PIK3C2G: variants seen among roughly 807,000 people sequenced by gnomAD.
PIK3C2G encodes phosphatidylinositol 3-kinase C2 domain-containing subunit gamma.
PIK3C2G carries 168 observed loss-of-function variants against 181.1 expected under a neutral mutation model. The observed-to-expected ratio is 0.93, with a 90% CI of 0.82 to 1.05. PIK3C2G has a LOEUF of 1.05. Among genes scored for constraint, PIK3C2G ranks in the 50% least tolerant of loss-of-function variants. The probability of loss-of-function intolerance (pLI) is 0.00; values close to 1 mark genes in which losing one functional copy is unlikely to be tolerated. For missense variants in PIK3C2G, 1,869 were observed against 1,732.8 expected (o/e 1.08, Z -1.40); for synonymous variants, 573 against 592.2 (o/e 0.97, Z 0.47).
At chr12:18,596,093 G>T (rs1315565062) in intron 30 of PIK3C2G, among the ~76,000 whole-genome samples, 1 of 152,012 alleles carries the variant, frequency 6.6e-6, no homozygotes, top group Non-Finnish European at 1.5e-5. Context: ...CTGAATAAAT[G>T]ATTGATGACA....
chr12:18,574,415 T>A (rs1565523067), intron 29 of PIK3C2G, among the ~76,000 whole-genome samples: 1 of 152,186 alleles, frequency 6.6e-6, no homozygotes, highest in Non-Finnish European at 1.5e-5. Context: ...TCTGTAACAT[T>A]CAGTTTGCTA....
Position 18,423,961 on chromosome 12 carries a change from G to T in PIK3C2G, c.2426G>T (p.Trp809Leu). ...TTACTTCAGGCTGTCAAGTTTGAATGGAACCTTGAGAGTCCTTTAGTGCAA... is the reference window on the plus strand; with the variant it reads ...TTACTTCAGGCTGTCAAGTTTGAATTGAACCTTGAGAGTCCTTTAGTGCAA... ...PQLVQAVKFEWNLESPLVQLL... is the reference protein window; with the variant it reads ...PQLVQAVKFELNLESPLVQLL... Residue 809 changes from tryptophan to leucine, a missense_variant, in exon 18 of 33, where the codon TGG (tryptophan) becomes TTG (leucine). Coordinates refer to ENST00000538779, the MANE Select transcript of PIK3C2G (RefSeq NM_001288772.2). 1 of 1,608,570 alleles carries T rather than the reference G, an allele frequency of 6.2e-7. No individual in the cohort carries two copies.
the PIK3C2G span, chr12:18,723,592 T>C: frequency 2.3e-6 from 3 of 1,325,420 alleles, no homozygotes; most frequent in Non-Finnish European, 2.2e-6. Context: ...AAAAAATACA[T>C]AAAATGAATA....
chr12:18,586,897 G>A (rs1285547603), intron 29 of PIK3C2G, among the ~76,000 whole-genome samples: 1 of 151,852 alleles, frequency 6.6e-6, no homozygotes, highest in Non-Finnish European at 1.5e-5. Context: ...GAAAGGTTGG[G>A]TCAACATATG....
chr12:18,685,630 T>C, the PIK3C2G span: 2 of 516,840 alleles, frequency 3.9e-6, no homozygotes, highest in Admixed American at 1.9e-5. Flanking sequence ...AATTGGCTCA[T>C]GCTGGAATAA....
At chr12:18,512,029 G>A (rs1942245041) in intron 24 of PIK3C2G, among the ~76,000 whole-genome samples, 1 of 151,908 alleles carries the variant, frequency 6.6e-6, no homozygotes, top group Non-Finnish European at 1.5e-5. Flanking sequence ...TATTCTTCAT[G>A]TGAATATCCA....
chr12:18,423,702 T>C lies in PIK3C2G; in HGVS notation c.2410-243T>C, dbSNP rs539499473. ...ACATGGTTGAACTCCACCAACCACC[T>C]GCCCTTATTTCTTATCCATATACAA... On this transcript the variant is annotated intron_variant, in intron 17 of 32. Transcript: ENST00000538779. 2.0e-5 allele frequency among the ~76,000 whole-genome samples: 3 copies of C among 152,276 alleles called. No individual in the cohort carries two copies. In the South Asian group the frequency reaches 6.2e-4, roughly 32 times the overall value.
At chr12:18,379,448 G>T (rs1256685202) in intron 13 of PIK3C2G, among the ~76,000 whole-genome samples, 2 of 152,028 alleles carry the variant, frequency 1.3e-5, no homozygotes, top group African/African-American at 2.4e-5. Context: ...CACCAACATG[G>T]CACATGTATA....
intron 29 of PIK3C2G, among the ~76,000 whole-genome samples, chr12:18,569,006 T>A (rs2136363703): frequency 6.6e-6 from 1 of 152,230 alleles, no homozygotes; most frequent in Middle Eastern, 3.4e-3. Context: ...AAAACATGTC[T>A]GAAAATGCTT....
At position 18,566,685 on chromosome 12, in the gene PIK3C2G, A is replaced by G. The variant is rs1160068288; in HGVS notation, c.3903-264A>G. ...TAAAAGACAAAATGTGTGGTCTGCCATAAATATAGTAAGAAGGGACATATA... is the reference window on the plus strand; with the variant it reads ...TAAAAGACAAAATGTGTGGTCTGCCGTAAATATAGTAAGAAGGGACATATA... On this transcript the variant is annotated intron_variant, in intron 28 of 32. Coordinates refer to ENST00000538779, the MANE Select transcript of PIK3C2G (RefSeq NM_001288772.2). Among the ~76,000 whole-genome samples, 4 of 152,312 alleles carry G rather than the reference A, an allele frequency of 2.6e-5. No individual in the cohort carries two copies. In the East Asian group the frequency reaches 7.7e-4, roughly 29 times the overall value.
chr12:18,284,113 A>G (rs979873403), intron 2 of PIK3C2G, among the ~76,000 whole-genome samples: 3 of 152,092 alleles, frequency 2.0e-5, no homozygotes, highest in Non-Finnish European at 2.9e-5. Flanking sequence ...CGGCTTGGCC[A>G]AGTATTGGGA....
At chr12:18,693,712 G>C in the PIK3C2G span, 86,850 of 1,554,208 alleles carry the variant, frequency 0.056, 2,877 homozygotes, top group Middle Eastern at 0.1. Context: ...CGTTGGAACT[G>C]CTGAACCAGT....
chr12:18,455,954 C>T (rs921154), intron 18 of PIK3C2G, among the ~76,000 whole-genome samples: 20,804 of 152,046 alleles, frequency 0.14, 1,538 homozygotes, highest in African/African-American at 0.19. Context: ...CAATGACATT[C>T]GCCTTATGCC....
chr12:18,435,548 G>C (rs968760189), intron 18 of PIK3C2G, among the ~76,000 whole-genome samples: 2 of 152,020 alleles, frequency 1.3e-5, no homozygotes, highest in Non-Finnish European at 2.9e-5. Flanking sequence ...TAGAATTAGG[G>C]TATGAGATCC....
At chr12:18,371,434 T>A (rs963085428) in intron 13 of PIK3C2G, 123 bp downstream of exon 13, 15 of 778,972 alleles carry the variant, frequency 1.9e-5, no homozygotes, top group Non-Finnish European at 2.7e-5. Flanking sequence ...TTGACATAGT[T>A]CAATATAAAT....
the PIK3C2G span, among the ~76,000 whole-genome samples, chr12:18,719,923 G>A: frequency 1.3e-5 from 2 of 151,814 alleles, no homozygotes; most frequent in Non-Finnish European, 2.9e-5. Context: ...AATGAACTTC[G>A]ACAAGCTACA....
chr12:18,650,738 A>ATATATC (rs1565602862), downstream of PIK3C2G, among the ~76,000 whole-genome samples: 11 of 30,828 alleles, frequency 3.6e-4, no homozygotes, highest in Non-Finnish European at 1.1e-4. Context: ...ATATATATAT[A>ATATATC]TATATATATA....
At chr12:18,324,935 A>G in intron 7 of PIK3C2G, 100 bp from the exon 8 acceptor site, 1 of 631,012 alleles carries the variant, frequency 1.6e-6, no homozygotes, top group East Asian at 2.8e-5. Context: ...TGCCTACGAT[A>G]GTATCATGGG....
At chr12:18,543,991 C>T (rs773220963) in intron 25 of PIK3C2G, among the ~76,000 whole-genome samples, 2 of 151,820 alleles carry the variant, frequency 1.3e-5, no homozygotes, top group African/African-American at 2.4e-5. Context: ...GGAAGCAATA[C>T]GTACTATGAA....
Sources: gnomAD v4.1 joint callset for allele counts (sites outside exome capture counted in the v4.1 genomes callset) on GRCh38, gnomAD v4.1.1 for gene constraint, MANE v1.5 for transcripts, NCBI Gene and HGNC (gene_info 2026-07-23, HGNC 2026-07-21) for gene names.